The following KCTD8 variants were observed in gnomAD, a reference collection of about 807,000 sequenced individuals.
KCTD8 encodes potassium channel tetramerization domain containing 8.
KCTD8 carries 27 observed loss-of-function variants against 31.5 expected under a neutral mutation model. The observed-to-expected ratio is 0.86, with a 90% CI of 0.63 to 1.18. The LOEUF is 1.18. Among genes scored for constraint, KCTD8 ranks in the 50% most tolerant of loss-of-function variants. The pLI, the probability that KCTD8 is intolerant of heterozygous loss-of-function variation, is 0.00. For synonymous variants in KCTD8, 290 were observed against 280.0 expected, an observed-to-expected ratio of 1.04 and a Z score of -0.36; for missense variants, 658 against 647.7, an observed-to-expected ratio of 1.02 and a Z score of -0.17.
At chr4:44,329,520 A>C (rs1718538896) in intron 1 of KCTD8, among the ~76,000 whole-genome samples, 1 of 152,004 alleles carries the variant, frequency 6.6e-6, no homozygotes, top group African/African-American at 2.4e-5. Flanking sequence ...TGTAAAAAAT[A>C]AAGTTTTGTA....
intron 1 of KCTD8, among the ~76,000 whole-genome samples, chr4:44,400,533 A>G (rs1720621532): frequency 6.6e-6 from 1 of 152,018 alleles, no homozygotes; most frequent in Admixed American, 6.5e-5. Flanking sequence ...GTTCGAGACC[A>G]GCCTGGCCAA....
intron 1 of KCTD8, among the ~76,000 whole-genome samples, chr4:44,332,997 C>G (rs1373606176): frequency 1.3e-5 from 2 of 152,012 alleles, no homozygotes; most frequent in African/African-American, 2.4e-5. Context: ...ATTGCAGAGA[C>G]CAATTCATTT....
chr4:44,351,676 T>C (rs750569813), intron 1 of KCTD8, among the ~76,000 whole-genome samples: 5 of 152,076 alleles, frequency 3.3e-5, no homozygotes, highest in Admixed American at 2.0e-4. Flanking sequence ...ATATCTTTAA[T>C]GTAAAGTATC....
intron 1 of KCTD8, among the ~76,000 whole-genome samples, chr4:44,430,380 CAA>C (rs1721475154): frequency 6.6e-6 from 1 of 151,328 alleles, no homozygotes; most frequent in South Asian, 2.1e-4. Context: ...GGGCAGTGAA[CAA>C]AAGACAGATG....
At chr4:44,256,871 A>T (rs1577578060) in intron 1 of KCTD8, among the ~76,000 whole-genome samples, 1 of 152,080 alleles carries the variant, frequency 6.6e-6, no homozygotes, top group African/African-American at 2.4e-5. Context: ...TAAGATATTA[A>T]ATTTGTATTG....
chr4:44,352,341 G>T (rs909006970), intron 1 of KCTD8, among the ~76,000 whole-genome samples: 2 of 151,736 alleles, frequency 1.3e-5, no homozygotes, highest in Non-Finnish European at 2.9e-5. Flanking sequence ...ATAATACCTA[G>T]ATTACTTGAT....
At chr4:44,429,649 A>G (rs1276367397) in intron 1 of KCTD8, among the ~76,000 whole-genome samples, 2 of 151,866 alleles carry the variant, frequency 1.3e-5, no homozygotes, top group Non-Finnish European at 2.9e-5. Flanking sequence ...TGGCCATGTC[A>G]TTATTGTTTT....
At chr4:44,378,689 T>C (rs1719981888) in intron 1 of KCTD8, among the ~76,000 whole-genome samples, 1 of 152,068 alleles carries the variant, frequency 6.6e-6, no homozygotes, top group South Asian at 2.1e-4. Context: ...TATATTAGAG[T>C]GTAGCTATTA....
At chr4:44,244,886 T>G (rs1715609332) in intron 1 of KCTD8, among the ~76,000 whole-genome samples, 1 of 151,520 alleles carries the variant, frequency 6.6e-6, no homozygotes, top group Non-Finnish European at 1.5e-5. Context: ...CTCCCATGAT[T>G]AAATGAATTT....
intron 1 of KCTD8, among the ~76,000 whole-genome samples, chr4:44,358,496 T>C (rs1229979139): frequency 1.3e-5 from 2 of 152,180 alleles, no homozygotes; most frequent in East Asian, 3.9e-4. Context: ...GTTGAACTAA[T>C]TTACACTCCC....
At position 44,225,329 on chromosome 4, in the gene KCTD8, T is replaced by C. The variant is rs371010363; in HGVS notation, c.962-50079A>G. Among the ~76,000 whole-genome samples, 9 of 152,352 alleles carry C rather than the reference T, an allele frequency of 5.9e-5. No homozygotes were observed. In the East Asian group the frequency reaches 9.6e-4, roughly 16 times the overall value. On this transcript the variant is annotated intron_variant, in intron 1 of 1. Transcript: ENST00000360029. ...CAGCTGAAGTCTTGTTACTGCTACATGTAGAGCAGCAGGAGCAAACTTAAG... is the reference window on the plus strand; with the variant it reads ...CAGCTGAAGTCTTGTTACTGCTACACGTAGAGCAGCAGGAGCAAACTTAAG...
rs192171370 is a variant in KCTD8 at position 44,446,164 on chromosome 4, T to C, written c.961+1399A>G. Among the ~76,000 whole-genome samples the C allele has an allele frequency of 2.7e-3, 413 of 152,308 alleles. 1 individual carries two copies. The highest frequency in any genetic ancestry group is 5.5e-3 in the Admixed American group (84 of 15,298). On this transcript the variant is annotated intron_variant, in intron 1 of 1. Transcript: ENST00000360029. The stretch of plus-strand genomic sequence containing the variant: ...GTGGTTTGTCACCCAACTTCCAAGG[T>C]TACCAGAATATACAAACACTAAGCC...
In KCTD8 at chr4:44,174,831, G is replaced by T; in HGVS notation, c.1381C>A (p.Arg461Ser). 6.2e-7 allele frequency: 1 copy of T among 1,613,172 alleles called. No homozygotes were observed. The highest frequency in any genetic ancestry group is 8.5e-7 in the Non-Finnish European group (1 of 1,179,588). The change falls in exon 2 of 2, where the codon CGC (arginine) becomes AGC (serine). Residue 461 changes from arginine (R) to serine (S), a missense_variant. By Grantham distance (110) the Arg-to-Ser change is moderately radical (BLOSUM62 -1). Coordinates refer to ENST00000360029, the MANE Select transcript of KCTD8 (RefSeq NM_198353.3). Reference sequence around the variant, plus strand: ...TGCAACAGTTCAGATTGCCATTGGCGTTTGCGCTCTGGAAAATAATCTGGA... The same window carrying T: ...TGCAACAGTTCAGATTGCCATTGGCTTTTGCGCTCTGGAAAATAATCTGGA... ...HIPDYFPERK[R>S]QWQSELLQKY...
chr4:44,201,768 A>G (rs1014653392), intron 1 of KCTD8, among the ~76,000 whole-genome samples: 6 of 152,158 alleles, frequency 3.9e-5, no homozygotes, highest in Non-Finnish European at 7.4e-5. Context: ...CCCCCAAAGC[A>G]ACTACAACAA....
intron 1 of KCTD8, among the ~76,000 whole-genome samples, chr4:44,337,836 T>C (rs924154135): frequency 5.3e-5 from 8 of 151,950 alleles, no homozygotes; most frequent in Non-Finnish European, 1.5e-5. Flanking sequence ...TTTAAAATTA[T>C]ATATCCTGGT....
chr4:44,434,392 A>C (rs780721149), intron 1 of KCTD8, among the ~76,000 whole-genome samples: 1 of 151,946 alleles, frequency 6.6e-6, no homozygotes, highest in African/African-American at 2.4e-5. Flanking sequence ...ATGTACTATT[A>C]TTCTGATAAT....
chr4:44,241,753 G>A (rs1304306513), intron 1 of KCTD8, among the ~76,000 whole-genome samples: 3 of 152,108 alleles, frequency 2.0e-5, no homozygotes, highest in Non-Finnish European at 2.9e-5. Flanking sequence ...TAGCAGGCAC[G>A]GTTAACCAGA....
chr4:44,184,062 ACACACACACATGTG>A (rs1321385974), intron 1 of KCTD8, among the ~76,000 whole-genome samples: 2 of 151,792 alleles, frequency 1.3e-5, no homozygotes, highest in East Asian at 1.9e-4. Flanking sequence ...AAGGGTGGGG[ACACACACACATGTG>A]CACACACACC....
chr4:44,265,692 G>A (rs1031131688), intron 1 of KCTD8, among the ~76,000 whole-genome samples: 10 of 152,160 alleles, frequency 6.6e-5, no homozygotes, highest in African/African-American at 2.4e-4. Context: ...ACAGAGAAGT[G>A]CTTAAAGGAG....
Sources: gnomAD v4.1 joint callset for allele counts (sites outside exome capture counted in the v4.1 genomes callset) on GRCh38, gnomAD v4.1.1 for gene constraint, MANE v1.5 for transcripts, NCBI Gene and HGNC (gene_info 2026-07-23, HGNC 2026-07-21) for gene names.